AMBRA1: variants seen among roughly 807,000 people sequenced by gnomAD.
AMBRA1 encodes the protein activating molecule in BECN1-regulated autophagy protein 1.
AMBRA1 carries 47 observed loss-of-function variants against 125.4 expected under a neutral mutation model. The ratio of observed to expected loss-of-function variants is 0.37; its 90% CI spans 0.30 to 0.48. The LOEUF is 0.48. AMBRA1 is among the 20% of genes least tolerant of loss of function. The pLI is 0.99. For missense variants in AMBRA1, 1,331 were observed against 1,693.4 expected (o/e 0.79, Z 3.76); for synonymous variants, 626 against 655.5 (o/e 0.95, Z 0.69).
At chr11:46,450,837 A>C (rs976708914) in intron 11 of AMBRA1, among the ~76,000 whole-genome samples, 20 of 152,224 alleles carry the variant, frequency 1.3e-4, no homozygotes, top group Admixed American at 5.9e-4. Context: ...GAAATTTACA[A>C]CACCAAGCAT....
At chr11:46,408,818 C>A in intron 16 of AMBRA1, 112 bp from the exon 17 acceptor site, 5 of 1,005,376 alleles carry the variant, frequency 5.0e-6, no homozygotes, top group Non-Finnish European at 6.8e-6. Context: ...GCCCTGCAGG[C>A]TAAGAGAAGC....
chr11:46,582,144 A>C (rs1222965180), intron 1 of AMBRA1, among the ~76,000 whole-genome samples: 1 of 151,444 alleles, frequency 6.6e-6, no homozygotes, highest in Non-Finnish European at 1.5e-5. Context: ...GAAAGCCTTG[A>C]CATAGTCCTG....
intron 1 of AMBRA1, among the ~76,000 whole-genome samples, chr11:46,566,717 C>T (rs7484125): frequency 0.42 from 64,504 of 152,040 alleles, 18,306 homozygotes; most frequent in African/African-American, 0.81. Context: ...GTAAGAAAAG[C>T]ATGACAGTGA....
intron 12 of AMBRA1, among the ~76,000 whole-genome samples, chr11:46,437,959 A>G (rs997853153): frequency 6.6e-6 from 1 of 152,174 alleles, no homozygotes; most frequent in Non-Finnish European, 1.5e-5. Flanking sequence ...AGGAGGGCAT[A>G]TTAAAACACA....
At chr11:46,440,600 T>C (rs1947956122) in intron 12 of AMBRA1, among the ~76,000 whole-genome samples, 2 of 152,188 alleles carry the variant, frequency 1.3e-5, no homozygotes, top group African/African-American at 4.8e-5. Context: ...AAATAAATTA[T>C]GGCCAACTTT....
intron 1 of AMBRA1, among the ~76,000 whole-genome samples, chr11:46,577,087 A>G (rs2043984411): frequency 6.6e-6 from 1 of 152,224 alleles, no homozygotes; most frequent in Non-Finnish European, 1.5e-5. Context: ...TTAATATATT[A>G]TCATAGGACC....
chr11:46,449,208 C>T (rs1049336745), intron 11 of AMBRA1, among the ~76,000 whole-genome samples: 8 of 152,124 alleles, frequency 5.3e-5, no homozygotes. Flanking sequence ...AAACCACCCC[C>T]CACCGCAAAA....
chr11:46,472,741 CA>C (rs1949651570), intron 11 of AMBRA1, among the ~76,000 whole-genome samples: 1 of 152,228 alleles, frequency 6.6e-6, no homozygotes, highest in South Asian at 2.1e-4. Flanking sequence ...AATAAAAACA[CA>C]AATCACTTAC....
At chr11:46,518,195 C>G (rs971941845) in intron 7 of AMBRA1, 5 of 513,212 alleles carry the variant, frequency 9.7e-6, no homozygotes, top group African/African-American at 8.3e-5. Flanking sequence ...TTTGGGAGGC[C>G]GAGGTGGGCA....
chr11:46,582,755 T>G (rs993639565), intron 1 of AMBRA1, among the ~76,000 whole-genome samples: 2 of 152,206 alleles, frequency 1.3e-5, no homozygotes, highest in Non-Finnish European at 2.9e-5. Context: ...TTAGTTGGAA[T>G]GAAAAGAATC....
intron 11 of AMBRA1, among the ~76,000 whole-genome samples, chr11:46,463,707 A>AG (rs1949199581): frequency 6.6e-6 from 1 of 152,350 alleles, no homozygotes; most frequent in East Asian, 1.9e-4. Flanking sequence ...CTGCAACTCC[A>AG]GGAAAGCACC....
chr11:46,409,666 T>C (rs1284304235), intron 16 of AMBRA1, among the ~76,000 whole-genome samples: 1 of 152,252 alleles, frequency 6.6e-6, no homozygotes, highest in East Asian at 1.9e-4. Flanking sequence ...TAGCTGGAGC[T>C]GGCAGCAGAG....
At chr11:46,567,613 A>C (rs1591144430) in intron 1 of AMBRA1, among the ~76,000 whole-genome samples, 1 of 151,976 alleles carries the variant, frequency 6.6e-6, no homozygotes, top group African/African-American at 2.4e-5. Context: ...CGCCCGCCTC[A>C]GCCTCCCAAA....
intron 7 of AMBRA1, among the ~76,000 whole-genome samples, chr11:46,515,809 G>A (rs1951454165): frequency 6.6e-6 from 1 of 152,154 alleles, no homozygotes; most frequent in Non-Finnish European, 1.5e-5. Flanking sequence ...CTGAGTAGCT[G>A]GGATTAAAGG....
At chr11:46,548,146 A>G (rs2042883989) in intron 2 of AMBRA1, 100 bp downstream of exon 2, 9 of 1,523,072 alleles carry the variant, frequency 5.9e-6, no homozygotes, top group Non-Finnish European at 8.0e-6. Context: ...TCTCCCACAC[A>G]AGATAAATAT....
intron 14 of AMBRA1, among the ~76,000 whole-genome samples, chr11:46,432,379 T>G (rs1590792694): frequency 6.6e-6 from 1 of 152,280 alleles, no homozygotes; most frequent in East Asian, 1.9e-4. Flanking sequence ...GAAGGCACTT[T>G]GACAAATTCA....
At chr11:46,550,760 T>C (rs926268645) in intron 1 of AMBRA1, among the ~76,000 whole-genome samples, 2 of 151,948 alleles carry the variant, frequency 1.3e-5, no homozygotes, top group Non-Finnish European at 2.9e-5. Flanking sequence ...ATGACTAATC[T>C]ATGGCAAGGA....
intron 17 of AMBRA1, among the ~76,000 whole-genome samples, chr11:46,406,908 C>G (rs527799147): frequency 7.2e-6 from 1 of 139,668 alleles, no homozygotes; most frequent in Non-Finnish European, 1.5e-5. Flanking sequence ...AGGCCAGGCA[C>G]GGTGGCTCAC....
rs1214717491 is a variant in AMBRA1 at position 46,589,000 on chromosome 11, TAAATG to T, written c.-121+4823_-121+4827del. ...TACTCTAAAGGACTCTTATAAGTAATAAATGAAATAACACATGTAAAGAACATGAC... is the reference window on the plus strand; with the variant it reads ...TACTCTAAAGGACTCTTATAAGTAATAAATAACACATGTAAAGAACATGAC... On this transcript the variant is annotated intron_variant, in intron 1 of 17. Coordinates refer to ENST00000683756, the MANE Select transcript of AMBRA1 (RefSeq NM_001387011.1). Among the ~76,000 whole-genome samples, 8 of 152,258 alleles carry T rather than the reference TAAATG, an allele frequency of 5.3e-5. No homozygotes were observed. The South Asian group carries it at 1.7e-3, about 32-fold the overall frequency.
Sources: allele counts gnomAD v4.1 joint callset (sites outside exome capture counted in the v4.1 genomes callset), GRCh38; gene constraint gnomAD v4.1.1; transcripts MANE v1.5; gene names NCBI Gene and HGNC (gene_info 2026-07-23, HGNC 2026-07-21).